The following HS6ST2 variants were observed in gnomAD, a reference collection of about 807,000 sequenced individuals.
HS6ST2 encodes heparan sulfate 6-O-sulfotransferase 2.
A neutral mutation model predicts 33.0 loss-of-function variants in HS6ST2; 17 were observed. The ratio of observed to expected loss-of-function variants is 0.52; its 90% confidence interval spans 0.35 to 0.77. The LOEUF (loss-of-function observed/expected upper bound fraction) is 0.77. Ranked by LOEUF, HS6ST2 falls within the 30% of genes least tolerant of loss-of-function variation. HS6ST2 has a pLI of 0.01. For synonymous variants in HS6ST2, 248 were observed against 237.1 expected, an observed-to-expected ratio of 1.05 and a Z score of -0.42; for missense variants, 519 against 551.7, an observed-to-expected ratio of 0.94 and a Z score of 0.59.
chrX:132,830,303 A>G (rs1228129470), intron 2 of HS6ST2, among the ~76,000 whole-genome samples: 2 of 112,060 alleles, frequency 1.8e-5, no homozygotes, highest in Non-Finnish European at 3.8e-5. Flanking sequence ...ATAAAACGCA[A>G]ACCTAAAGGG....
At chrX:132,957,994 A>T (rs1287249357) in intron 1 of HS6ST2, among the ~76,000 whole-genome samples, 181 bp downstream of exon 1, 1 of 111,607 alleles carries the variant, frequency 9.0e-6, no homozygotes, top group East Asian at 2.9e-4. Flanking sequence ...GCGGAACAGT[A>T]GCGACGGAGC....
At chrX:132,660,428 CT>C (rs913519845) in intron 4 of HS6ST2, among the ~76,000 whole-genome samples, 1 of 111,450 alleles carries the variant, frequency 9.0e-6, no homozygotes, top group African/African-American at 3.3e-5. Context: ...TTATACTATA[CT>C]ACCTCTTTCA....
chrX:132,948,550 G>T lies in HS6ST2; in HGVS notation c.947+8258C>A, dbSNP rs975008052. 5.3e-5 allele frequency among the ~76,000 whole-genome samples: 6 copies of T among 112,274 alleles called. No homozygotes were observed. In the South Asian group the frequency reaches 2.2e-3, roughly 41 times the overall value. On this transcript the variant is annotated intron_variant, in intron 2 of 4. Coordinates refer to ENST00000370833, the MANE Select transcript of HS6ST2 (RefSeq NM_001394073.1). ...GCAAGACAGATTTATTTAGTGTAATGCTCTGAAATGTGTCAAAGTCTTCAG... is the reference window on the plus strand; with the variant it reads ...GCAAGACAGATTTATTTAGTGTAATTCTCTGAAATGTGTCAAAGTCTTCAG...
intron 2 of HS6ST2, among the ~76,000 whole-genome samples, chrX:132,841,975 G>A (rs761818556): frequency 1.8e-5 from 2 of 111,855 alleles, no homozygotes; most frequent in African/African-American, 3.2e-5. Flanking sequence ...GATGAAAGAC[G>A]TTGGGTTAAG....
At chrX:132,794,360 T>C (rs987150118) in intron 2 of HS6ST2, among the ~76,000 whole-genome samples, 4 of 111,631 alleles carry the variant, frequency 3.6e-5, no homozygotes. Flanking sequence ...TGTGGAGCTT[T>C]AGACTTCGGA....
chrX:132,738,935 G>T (rs1255353613), intron 2 of HS6ST2, among the ~76,000 whole-genome samples: 2 of 111,918 alleles, frequency 1.8e-5, no homozygotes, highest in Non-Finnish European at 3.8e-5. Flanking sequence ...TTTGTGGAGG[G>T]CTGGAACAAG....
chrX:132,734,434 A>G (rs1168806277), intron 2 of HS6ST2, among the ~76,000 whole-genome samples: 1 of 111,553 alleles, frequency 9.0e-6, no homozygotes, highest in Non-Finnish European at 1.9e-5. Flanking sequence ...TAACATATCA[A>G]TCAAGCCAAG....
chrX:132,705,454 G>A (rs1217100950), intron 3 of HS6ST2, among the ~76,000 whole-genome samples: 1 of 111,146 alleles, frequency 9.0e-6, no homozygotes, highest in East Asian at 2.8e-4. Context: ...GCCCAAATAT[G>A]CATGTGTACA....
chrX:132,835,826 G>A (rs1167739717), intron 2 of HS6ST2, among the ~76,000 whole-genome samples: 2 of 111,757 alleles, frequency 1.8e-5, no homozygotes, highest in Non-Finnish European at 3.8e-5. Flanking sequence ...TGAGGCAGGA[G>A]AATCGCTTGA....
At chrX:132,688,102 G>C (rs180681952) in intron 3 of HS6ST2, among the ~76,000 whole-genome samples, 1 of 112,066 alleles carries the variant, frequency 8.9e-6, no homozygotes, top group East Asian at 2.8e-4. Context: ...AGACTCATCA[G>C]AAGATAACTC....
intron 2 of HS6ST2, among the ~76,000 whole-genome samples, chrX:132,867,637 G>A (rs2066003999): frequency 9.0e-6 from 1 of 110,566 alleles, no homozygotes; most frequent in Non-Finnish European, 1.9e-5. Context: ...GTAAGCTATT[G>A]ATTATAAGAA....
At chrX:132,882,009 G>C (rs1001008116) in intron 2 of HS6ST2, among the ~76,000 whole-genome samples, 11 of 111,720 alleles carry the variant, frequency 9.8e-5, no homozygotes, top group Admixed American at 6.7e-4. Context: ...CCAGTACCAT[G>C]CTGTTTTGGT....
intron 3 of HS6ST2, among the ~76,000 whole-genome samples, chrX:132,673,502 A>G (rs1029345754): frequency 8.9e-6 from 1 of 112,794 alleles, no homozygotes; most frequent in African/African-American, 3.2e-5. Flanking sequence ...GGATGGTTGC[A>G]GAGTGCCTCT....
chrX:132,957,393 C>T, intron 1 of HS6ST2, 67 bp from the exon 2 acceptor site: 9 of 1,059,864 alleles, frequency 8.5e-6, no homozygotes, highest in South Asian at 2.4e-5. Flanking sequence ...GCCCCCGCAC[C>T]GCCCCCTTCC....
chrX:132,853,127 C>T (rs952677289), intron 2 of HS6ST2, among the ~76,000 whole-genome samples: 3 of 111,457 alleles, frequency 2.7e-5, no homozygotes, highest in African/African-American at 9.8e-5. Flanking sequence ...CATCTATCCC[C>T]CCATTTTCAG....
intron 4 of HS6ST2, among the ~76,000 whole-genome samples, chrX:132,665,630 T>A (rs753225529): frequency 9.0e-6 from 1 of 111,693 alleles, no homozygotes; most frequent in East Asian, 2.8e-4. Context: ...GAATAACAGG[T>A]TCACATTACC....
chrX:132,888,860 T>C (rs1266305932), intron 2 of HS6ST2, among the ~76,000 whole-genome samples: 1 of 111,068 alleles, frequency 9.0e-6, no homozygotes, highest in Non-Finnish European at 1.9e-5. Flanking sequence ...GATGTGTATG[T>C]GCTTGTGTGC....
chrX:132,845,009 G>T (rs1158513168), intron 2 of HS6ST2, among the ~76,000 whole-genome samples: 1 of 108,747 alleles, frequency 9.2e-6, no homozygotes, highest in African/African-American at 3.3e-5. Context: ...TATTCTGGGT[G>T]CTGTGATAGA....
At chrX:132,747,185 A>G (rs758075786) in intron 2 of HS6ST2, among the ~76,000 whole-genome samples, 1 of 111,753 alleles carries the variant, frequency 8.9e-6, no homozygotes, top group South Asian at 3.9e-4. Context: ...GGAAATCAGG[A>G]AATGCTCCCT....
Sources: allele counts gnomAD v4.1 joint callset (sites outside exome capture counted in the v4.1 genomes callset), GRCh38; gene constraint gnomAD v4.1.1; transcripts MANE v1.5; gene names NCBI Gene and HGNC (gene_info 2026-07-23, HGNC 2026-07-21).